Variants in TRAK1 observed in about 807,000 individuals in gnomAD.
The protein encoded by TRAK1 is trafficking kinesin-binding protein 1.
A neutral mutation model predicts 92.1 loss-of-function variants in TRAK1; 33 were observed. The observed-to-expected ratio is 0.36, with a 90% confidence interval of 0.27 to 0.48. The LOEUF (loss-of-function observed/expected upper bound fraction) is 0.48. Ranked by LOEUF, TRAK1 falls within the 20% of genes least tolerant of loss-of-function variation. The pLI, the probability that TRAK1 is intolerant of heterozygous loss-of-function variation, is 0.99. For missense variants in TRAK1, 1,123 were observed against 1,257.9 expected, an observed-to-expected ratio of 0.89 and a Z score of 1.62; for synonymous variants, 521 against 517.3, an observed-to-expected ratio of 1.01 and a Z score of -0.10.
upstream of TRAK1, among the ~76,000 whole-genome samples, chr3:42,089,688 A>G (rs1034646644): frequency 2.4e-5 from 3 of 124,160 alleles, no homozygotes; most frequent in African/African-American, 8.5e-5. Flanking sequence ...CCCCCCCAAT[A>G]CAGAGTGATC....
At chr3:42,160,485 A>G (rs766534590) in intron 2 of TRAK1, 2 of 1,613,536 alleles carry the variant, frequency 1.2e-6, no homozygotes, top group African/African-American at 1.3e-5. Flanking sequence ...TAAATTCTGT[A>G]CTTGGCTCAG....
upstream of TRAK1, among the ~76,000 whole-genome samples, chr3:42,082,250 G>A (rs1704472308): frequency 6.6e-6 from 1 of 152,158 alleles, no homozygotes. Flanking sequence ...TCATTTTATA[G>A]GTAGTGAAAG....
At chr3:42,105,596 C>T (rs1386614877) in intron 1 of TRAK1, among the ~76,000 whole-genome samples, 1 of 152,210 alleles carries the variant, frequency 6.6e-6, no homozygotes, top group African/African-American at 2.4e-5. Context: ...AAACACTCTT[C>T]AGGATATTAT....
chr3:42,098,675 GC>G (rs1393718726), intron 1 of TRAK1, among the ~76,000 whole-genome samples: 2 of 152,148 alleles, frequency 1.3e-5, no homozygotes, highest in South Asian at 2.1e-4. Context: ...CCCTTTTGAG[GC>G]CTTATCTGGT....
chr3:42,030,207 GAGGATAGCTTGAGGCCAGA>G (rs1204749251), intron 1 of TRAK1, among the ~76,000 whole-genome samples: 1 of 152,040 alleles, frequency 6.6e-6, no homozygotes, highest in East Asian at 1.9e-4. Flanking sequence ...GCTGAGACAG[GAGGATAGCTTGAGGCCAGA>G]AGTTCCAGAC....
chr3:42,205,093 T>TAGCC lies in TRAK1; in HGVS notation c.1744+2343_1744+2346dup, dbSNP rs137920266. ...TAGTTGTGGTTGTGAAATAGGCTGA[T>TAGCC]AGCCATCAGACCAGACTGTGGTGAG... On this transcript the variant is annotated intron_variant, in intron 13 of 15. Coordinates refer to ENST00000327628, the MANE Select transcript of TRAK1 (RefSeq NM_001042646.3). Among the ~76,000 whole-genome samples the TAGCC allele has an allele frequency of 2.9e-3, 435 of 152,324 alleles. 17 individuals carry two copies. The East Asian group carries it at 0.076, about 27-fold the overall frequency.
chr3:42,120,409 C>T (rs1200969232), intron 1 of TRAK1, among the ~76,000 whole-genome samples: 1 of 151,140 alleles, frequency 6.6e-6, no homozygotes, highest in Non-Finnish European at 1.5e-5. Flanking sequence ...ATAAAGGGTT[C>T]CTTTCCTCCA....
Position 42,202,072 on chromosome 3 carries a change from A to G in TRAK1, c.1428-364A>G, listed in dbSNP as rs1707709114. The stretch of plus-strand genomic sequence containing the variant: ...GGTCTGGGCTCTTTTCCTTCAAGAG[A>G]AGAGAGAAACATGCCTTAACCCCAT... On this transcript the variant is annotated intron_variant, in intron 12 of 15. Transcript: ENST00000327628. This position sits in a 1 kb window ranked among gnomAD's most constrained non-coding sequence, Gnocchi z 6.1. Among the ~76,000 whole-genome samples, 2 of 152,080 alleles carry G rather than the reference A, an allele frequency of 1.3e-5. No homozygotes were observed. Among genetic ancestry groups the G allele is most frequent in the African/African-American group, 4.8e-5 (2 of 41,404 alleles).
chr3:42,117,889 C>T lies in TRAK1; in HGVS notation c.92-7531C>T, dbSNP rs116774269. On this transcript the variant is annotated intron_variant, in intron 1 of 15. Coordinates refer to ENST00000327628, the MANE Select transcript of TRAK1 (RefSeq NM_001042646.3). Reference sequence around the variant, plus strand: ...CTGGAATGCAGTGGCCTGATCTCGGCTCACTGCCCAACCTCTGCCTCCTGG... The same window carrying T: ...CTGGAATGCAGTGGCCTGATCTCGGTTCACTGCCCAACCTCTGCCTCCTGG... 5.0e-3 allele frequency among the ~76,000 whole-genome samples: 763 copies of T among 152,126 alleles called. 5 individuals are homozygous for T. Among genetic ancestry groups the T allele is most frequent in the African/African-American group, 0.017 (710 of 41,472 alleles).
Position 42,191,895 on chromosome 3 carries a change from ATTTTTTTT to A in TRAK1, c.769+275_769+282del, listed in dbSNP as rs68023368. On this transcript the variant is annotated intron_variant, in intron 7 of 15. Transcript: ENST00000327628. ...TTTGGCTTTATACTGGAATATTGGA[ATTTTTTTT>A]TTTTTTTTTTTTTTTGAGACAGAGT... Among the ~76,000 whole-genome samples, 61 of 72,766 alleles carry A rather than the reference ATTTTTTTT, an allele frequency of 8.4e-4. 1 individual carries two copies. Among genetic ancestry groups the A allele is most frequent in the African/African-American group, 2.0e-3 (34 of 17,240 alleles). 47.7% of individuals were successfully genotyped at this position (72,766 alleles called of 152,430 possible).
chr3:42,203,961 C>T, intron 13 of TRAK1: 3 of 985,802 alleles, frequency 3.0e-6, no homozygotes, highest in Non-Finnish European at 3.6e-6. Context: ...TAAGGTTGTG[C>T]TTGTTAAAGA....
intron 14 of TRAK1, chr3:42,212,054 G>T: frequency 1.0e-6 from 1 of 985,344 alleles, no homozygotes; most frequent in East Asian, 1.1e-4. Context: ...CAATGAATTG[G>T]CTCTATTTTC....
intron 1 of TRAK1, among the ~76,000 whole-genome samples, chr3:42,040,584 A>G (rs1167039531): frequency 1.3e-5 from 2 of 152,134 alleles, no homozygotes; most frequent in Admixed American, 1.3e-4. Flanking sequence ...TTGAAAATCA[A>G]ATGACCATAA....
Position 42,091,494 on chromosome 3 carries a change from C to T in TRAK1, c.25C>T (p.Gln9Ter), listed in dbSNP as rs746458586. The change falls in exon 1 of 16, where the codon CAG (glutamine) becomes TAG (stop). Residue 9 changes from glutamine to a stop codon, truncating the protein, a stop_gained. Coordinates refer to ENST00000327628, the MANE Select transcript of TRAK1 (RefSeq NM_001042646.3). LOFTEE classifies it high-confidence loss of function. ...CATGGCATTGGTTTTTCAATTCGGGCAGCCCGTCAGGGCTCAGCCTCTGCC... is the reference window on the plus strand; with the variant it reads ...CATGGCATTGGTTTTTCAATTCGGGTAGCCCGTCAGGGCTCAGCCTCTGCC... MALVFQFG[Q>*]PVRAQPLPGL... 6.2e-7 allele frequency: 1 copy of T among 1,613,584 alleles called. No homozygotes were observed. The highest frequency in any genetic ancestry group is 8.5e-7 in the Non-Finnish European group (1 of 1,179,826).
At chr3:42,073,346 A>T (rs1042801027) in intron 1 of TRAK1, among the ~76,000 whole-genome samples, 8 of 152,214 alleles carry the variant, frequency 5.3e-5, no homozygotes, top group Admixed American at 3.3e-4. Context: ...GTGGTCACAC[A>T]CACCGTCTTC....
chr3:42,098,108 T>C (rs61473607), intron 1 of TRAK1, among the ~76,000 whole-genome samples: 87,766 of 151,350 alleles, frequency 0.58, 25,675 homozygotes, highest in South Asian at 0.73. Flanking sequence ...CTCCTCACCC[T>C]GATATCTGTC....
intron 1 of TRAK1, among the ~76,000 whole-genome samples, chr3:42,098,979 T>C: frequency 6.6e-6 from 1 of 150,670 alleles, no homozygotes; most frequent in East Asian, 2.0e-4. Flanking sequence ...TGCAGAGGAA[T>C]TGAGGGGCTG....
intron 1 of TRAK1, among the ~76,000 whole-genome samples, chr3:42,104,951 T>A (rs1271029791): frequency 1.0e-4 from 3 of 28,608 alleles, no homozygotes; most frequent in South Asian, 1.9e-3. Flanking sequence ...CTAAAAATCT[T>A]TTTTTTTTTT....
chr3:42,200,758 G>T (rs951852020), intron 11 of TRAK1, 60 bp from the exon 12 acceptor site: 10 of 1,572,976 alleles, frequency 6.4e-6, no homozygotes, highest in Non-Finnish European at 7.9e-6. Context: ...TTTTTGGAGG[G>T]TTAAACTCCA....
Sources: gnomAD v4.1 joint callset for allele counts (sites outside exome capture counted in the v4.1 genomes callset) on GRCh38, gnomAD v4.1.1 for gene constraint, Gnocchi (gnomAD v3.1) non-coding constraint, MANE v1.5 for transcripts, NCBI Gene and HGNC (gene_info 2026-07-23, HGNC 2026-07-21) for gene names.